CPA6: variants seen among roughly 807,000 people sequenced by gnomAD.
CPA6 encodes carboxypeptidase A6.
A neutral mutation model predicts 63.3 loss-of-function variants in CPA6; 58 were observed. The ratio of observed to expected loss-of-function variants is 0.92; its 90% confidence interval spans 0.74 to 1.14. The LOEUF (loss-of-function observed/expected upper bound fraction) is 1.14. Among genes scored for constraint, CPA6 ranks in the 50% most tolerant of loss-of-function variants. The pLI, the probability that CPA6 is intolerant of heterozygous loss-of-function variation, is 0.00. For synonymous variants in CPA6, 185 were observed against 179.0 expected (o/e 1.03, Z -0.27); for missense variants, 565 against 526.6 (o/e 1.07, Z -0.71).
At chr8:67,506,109 G>C (rs1432570920) in intron 6 of CPA6, among the ~76,000 whole-genome samples, 1 of 151,182 alleles carries the variant, frequency 6.6e-6, no homozygotes, top group African/African-American at 2.4e-5. Context: ...GAATAGAAAA[G>C]TATCAGAACA....
chr8:67,455,990 C>T (rs1810669862), intron 8 of CPA6, among the ~76,000 whole-genome samples: 1 of 152,144 alleles, frequency 6.6e-6, no homozygotes, highest in African/African-American at 2.4e-5. Flanking sequence ...GCTAGGATTA[C>T]AAGCATGAGC....
At chr8:67,575,546 A>G (rs1813600983) in intron 2 of CPA6, among the ~76,000 whole-genome samples, 1 of 152,114 alleles carries the variant, frequency 6.6e-6, no homozygotes, top group African/African-American at 2.4e-5. Flanking sequence ...ATACTAACCT[A>G]CTCAGCTTTA....
intron 6 of CPA6, among the ~76,000 whole-genome samples, chr8:67,490,534 A>G (rs888465422): frequency 6.6e-6 from 1 of 152,190 alleles, no homozygotes; most frequent in East Asian, 1.9e-4. Context: ...TCACCAAAGC[A>G]ATTTTTTCAA....
intron 1 of CPA6, among the ~76,000 whole-genome samples, chr8:67,635,181 C>T (rs998930863): frequency 6.6e-6 from 1 of 151,638 alleles, no homozygotes; most frequent in Non-Finnish European, 1.5e-5. Context: ...AGCCATTGCA[C>T]CCAGCCTAGA....
At chr8:67,430,874 T>G (rs191153523) in intron 9 of CPA6, among the ~76,000 whole-genome samples, 6 of 152,138 alleles carry the variant, frequency 3.9e-5, no homozygotes, top group African/African-American at 1.4e-4. Context: ...TTTCTTTCCT[T>G]TCTTTGAGAC....
chr8:67,531,148 C>A lies in CPA6; in HGVS notation c.193-13101G>T, dbSNP rs969250558. Among the ~76,000 whole-genome samples, 10 of 151,928 alleles carry A rather than the reference C, an allele frequency of 6.6e-5. No individual in the cohort carries two copies. In the South Asian group the frequency reaches 1.9e-3, roughly 28 times the overall value. ...TAGTTGAAGATATTTTGATGTAGTTCTCAATGTATGTAGATAAAATATTGA... is the reference window on the plus strand; with the variant it reads ...TAGTTGAAGATATTTTGATGTAGTTATCAATGTATGTAGATAAAATATTGA... On this transcript the variant is annotated intron_variant, in intron 2 of 10. Transcript: ENST00000297770.
intron 2 of CPA6, among the ~76,000 whole-genome samples, chr8:67,528,621 G>A (rs938962250): frequency 4.6e-5 from 7 of 151,908 alleles, no homozygotes; most frequent in African/African-American, 1.7e-4. Context: ...ACCACGACTT[G>A]ACCAAACTTG....
intron 1 of CPA6, among the ~76,000 whole-genome samples, chr8:67,725,947 T>C (rs1817588425): frequency 6.6e-6 from 1 of 152,184 alleles, no homozygotes; most frequent in Non-Finnish European, 1.5e-5. Flanking sequence ...GAAGATAATT[T>C]TTTTTCTGGA....
At chr8:67,432,155 C>G (rs1055666363) in intron 9 of CPA6, among the ~76,000 whole-genome samples, 4 of 152,102 alleles carry the variant, frequency 2.6e-5, no homozygotes, top group Non-Finnish European at 5.9e-5. Context: ...CAGGGTGCTG[C>G]CAGAAAGACC....
intron 2 of CPA6, among the ~76,000 whole-genome samples, chr8:67,553,575 C>A (rs1483026254): frequency 6.6e-6 from 1 of 152,120 alleles, no homozygotes; most frequent in Non-Finnish European, 1.5e-5. Flanking sequence ...CTTATGATAT[C>A]AATTCCTCAC....
intron 1 of CPA6, among the ~76,000 whole-genome samples, chr8:67,674,850 A>G (rs970534116): frequency 2.0e-5 from 3 of 152,230 alleles, no homozygotes; most frequent in Non-Finnish European, 2.9e-5. Flanking sequence ...CATGAAAAAA[A>G]CCAAAAGCAT....
intron 2 of CPA6, among the ~76,000 whole-genome samples, chr8:67,576,349 T>C (rs1426815605): frequency 6.6e-6 from 1 of 152,216 alleles, no homozygotes; most frequent in Non-Finnish European, 1.5e-5. Flanking sequence ...ACATTTTATC[T>C]GGAACCACCA....
chr8:67,515,251 C>T (rs1405864687), intron 3 of CPA6, among the ~76,000 whole-genome samples: 1 of 152,124 alleles, frequency 6.6e-6, no homozygotes, highest in Non-Finnish European at 1.5e-5. Flanking sequence ...GTCACTCCCT[C>T]CTTCTCTATC....
At chr8:67,670,909 C>T (rs190249691) in intron 1 of CPA6, among the ~76,000 whole-genome samples, 67 of 152,330 alleles carry the variant, frequency 4.4e-4, no homozygotes, top group African/African-American at 1.4e-3. Flanking sequence ...TTAGTATATA[C>T]ATTTCCTCTG....
intron 1 of CPA6, among the ~76,000 whole-genome samples, chr8:67,653,656 GT>G (rs1815905190): frequency 6.6e-6 from 1 of 152,060 alleles, no homozygotes; most frequent in African/African-American, 2.4e-5. Flanking sequence ...AGACAATGGG[GT>G]TTTCTAGATA....
intron 5 of CPA6, among the ~76,000 whole-genome samples, chr8:67,508,586 G>C: frequency 6.6e-6 from 1 of 152,142 alleles, no homozygotes; most frequent in East Asian, 1.9e-4. Flanking sequence ...AAGGGGAAAG[G>C]AGGCAGTGAG....
At chr8:67,668,356 C>G (rs1481238226) in intron 1 of CPA6, among the ~76,000 whole-genome samples, 1 of 152,188 alleles carries the variant, frequency 6.6e-6, no homozygotes, top group East Asian at 1.9e-4. Flanking sequence ...GCTTCTACAT[C>G]ACTGTTGCTC....
chr8:67,494,286 AG>A (rs1811665251), intron 6 of CPA6, among the ~76,000 whole-genome samples: 1 of 152,168 alleles, frequency 6.6e-6, no homozygotes, highest in Admixed American at 6.6e-5. Context: ...TTATGTAGTC[AG>A]GGCTATCAGT....
intron 2 of CPA6, among the ~76,000 whole-genome samples, chr8:67,610,856 A>T (rs1202647029): frequency 6.6e-6 from 1 of 152,248 alleles, no homozygotes; most frequent in African/African-American, 2.4e-5. Context: ...AGTCTTCTGC[A>T]GAGTGGAAAA....
Sources: gnomAD v4.1 joint callset for allele counts (sites outside exome capture counted in the v4.1 genomes callset) on GRCh38, gnomAD v4.1.1 for gene constraint, MANE v1.5 for transcripts, NCBI Gene and HGNC (gene_info 2026-07-23, HGNC 2026-07-21) for gene names.